The following XYLT1 variants were observed in gnomAD, a reference collection of about 807,000 sequenced individuals.
The protein encoded by XYLT1 is beta-D-xylosyltransferase 1.
Under a neutral mutation model 91.3 loss-of-function variants are expected in XYLT1, and 36 were observed. The observed-to-expected ratio is 0.39, with a 90% CI of 0.30 to 0.52. The LOEUF (loss-of-function observed/expected upper bound fraction) is 0.52, where lower values mean the gene tolerates loss of function less well. XYLT1 is among the 20% of genes least tolerant of loss of function. The pLI, the probability that XYLT1 is intolerant of heterozygous loss-of-function variation, is 0.68. For synonymous variants in XYLT1, 588 were observed against 532.0 expected (o/e 1.11, Z -1.45); for missense variants, 1,242 against 1,284.5 (o/e 0.97, Z 0.51).
intron 3 of XYLT1, among the ~76,000 whole-genome samples, chr16:17,236,311 T>G (rs1239180559): frequency 6.6e-6 from 1 of 152,112 alleles, no homozygotes; most frequent in Non-Finnish European, 1.5e-5. Flanking sequence ...AGTGAGCATG[T>G]GTAGGGTCTT....
Position 17,108,736 on chromosome 16 carries a change from A to T in XYLT1, c.2839T>A (p.Ser947Thr), listed in dbSNP as rs1490458085. 1.2e-6 allele frequency: 2 copies of T among 1,600,358 alleles called. No individual in the cohort carries two copies. The highest frequency in any genetic ancestry group is 4.5e-5 in the East Asian group (2 of 44,692). Reference protein sequence around the residue: ...AWSSFSPDPKSELGAVKPDGR... With the variant: ...AWSSFSPDPKTELGAVKPDGR... ...TCAGGTTTGACTGCCCCCAGCTCCG[A>T]CTTGGGGTCAGGGCTGAAGGAGCTC... The change falls in exon 12 of 12, where the codon TCG (serine) becomes ACG (threonine). Residue 947 changes from serine to threonine, a missense_variant. Coordinates refer to ENST00000261381, the MANE Select transcript of XYLT1 (RefSeq NM_022166.4).
intron 1 of XYLT1, among the ~76,000 whole-genome samples, chr16:17,367,751 T>C (rs1439031856): frequency 5.9e-5 from 9 of 152,294 alleles, no homozygotes; most frequent in Non-Finnish European, 8.8e-5. Flanking sequence ...AAATTCTCAA[T>C]ACGGCCCGAG....
intron 3 of XYLT1, among the ~76,000 whole-genome samples, chr16:17,246,136 G>A (rs1403143716): frequency 6.6e-6 from 1 of 152,208 alleles, no homozygotes; most frequent in East Asian, 1.9e-4. Context: ...TCAGAGCCTG[G>A]CTCTGCTACT....
intron 11 of XYLT1, among the ~76,000 whole-genome samples, chr16:17,113,020 G>A (rs1966845366): frequency 6.6e-6 from 1 of 150,970 alleles, no homozygotes; most frequent in Non-Finnish European, 1.5e-5. Context: ...TGTATTTTTA[G>A]TAGAGACGGG....
chr16:17,340,462 G>T (rs578133014), intron 2 of XYLT1, among the ~76,000 whole-genome samples: 1 of 152,292 alleles, frequency 6.6e-6, no homozygotes, highest in South Asian at 2.1e-4. Flanking sequence ...CCTTACCCAG[G>T]AACATTTTGG....
At chr16:17,377,034 G>A (rs531119300) in intron 1 of XYLT1, among the ~76,000 whole-genome samples, 39 of 151,732 alleles carry the variant, frequency 2.6e-4, no homozygotes, top group African/African-American at 9.4e-4. Context: ...AAAATTAGCC[G>A]GGCATGGTGG....
chr16:17,394,569 C>G (rs2035860376), intron 1 of XYLT1, among the ~76,000 whole-genome samples: 1 of 152,204 alleles, frequency 6.6e-6, no homozygotes, highest in Admixed American at 6.5e-5. Context: ...CCTGAGCTTC[C>G]ATGTCAGACC....
chr16:17,406,935 G>A (rs2036041176), intron 1 of XYLT1, among the ~76,000 whole-genome samples: 1 of 152,070 alleles, frequency 6.6e-6, no homozygotes, highest in Non-Finnish European at 1.5e-5. Context: ...TCTTCCCACA[G>A]GGTCATATGG....
chr16:17,211,228 T>C (rs1246587031), intron 3 of XYLT1, among the ~76,000 whole-genome samples: 3 of 152,172 alleles, frequency 2.0e-5, no homozygotes, highest in African/African-American at 7.2e-5. Flanking sequence ...TCCATGAGCT[T>C]TGCTTCCAAA....
chr16:17,262,870 T>A (rs114331185), intron 2 of XYLT1, among the ~76,000 whole-genome samples: 20 of 152,228 alleles, frequency 1.3e-4, no homozygotes, highest in African/African-American at 4.6e-4. Context: ...TCCCGATTAA[T>A]CCAGGAGCTA....
At chr16:17,378,279 T>C (rs1023372492) in intron 1 of XYLT1, among the ~76,000 whole-genome samples, 3 of 150,958 alleles carry the variant, frequency 2.0e-5, no homozygotes, top group Admixed American at 6.6e-5. Flanking sequence ...CCATACCAAA[T>C]AGGTATTTAT....
intron 2 of XYLT1, among the ~76,000 whole-genome samples, chr16:17,300,039 T>A (rs1265388441): frequency 6.6e-6 from 1 of 151,894 alleles, no homozygotes; most frequent in Non-Finnish European, 1.5e-5. Flanking sequence ...AAGAGGATAA[T>A]CTGGTGACCA....
chr16:17,287,986 T>C (rs1340329240), intron 2 of XYLT1, among the ~76,000 whole-genome samples: 1 of 150,224 alleles, frequency 6.7e-6, no homozygotes. Context: ...CCAGCTGGAG[T>C]GCAGCAGCAT....
rs561157436 is a variant in XYLT1 at position 17,447,739 on chromosome 16, C to T, written c.363+22695G>A. 4.6e-4 allele frequency among the ~76,000 whole-genome samples: 70 copies of T among 151,158 alleles called. 1 individual carries two copies. Among genetic ancestry groups the T allele is most frequent in the Admixed American group, 4.5e-3 (68 of 15,232 alleles). ...GGAGGGTGGTTGGATAGCAGCTCTG[C>T]TGTGTGAACAAGCGACCTTCCACGA... On this transcript the variant is annotated intron_variant, in intron 1 of 11. Transcript: ENST00000261381.
At chr16:17,266,155 T>G (rs1019205145) in intron 2 of XYLT1, among the ~76,000 whole-genome samples, 2 of 152,162 alleles carry the variant, frequency 1.3e-5, no homozygotes, top group African/African-American at 4.8e-5. Flanking sequence ...ACACTGAGAT[T>G]CAGAGGTCTG....
At chr16:17,112,375 C>G (rs1205458011) in intron 11 of XYLT1, among the ~76,000 whole-genome samples, 1 of 151,920 alleles carries the variant, frequency 6.6e-6, no homozygotes, top group Non-Finnish European at 1.5e-5. Context: ...GAGGGCTGCT[C>G]TCGGTGGGGG....
chr16:17,470,700 A>G lies in XYLT1; in HGVS notation c.97T>C (p.Trp33Arg). 1.7e-6 allele frequency: 2 copies of G among 1,166,672 alleles called. No homozygotes were observed. Among genetic ancestry groups the G allele is most frequent in the South Asian group, 1.7e-5 (1 of 59,336 alleles). The allele number at this position is 1,166,672 out of a possible 1,614,324, so 72.3% of individuals were successfully genotyped here. The part of the protein sequence containing the change: ...TVLLLQTLVV[W>R]NFSSLDSGAG... The stretch of plus-strand genomic sequence containing the variant: ...CCGGAGTCGAGGCTGCTGAAATTCC[A>G]CACGACCAGCGTCTGCAGCAGCAGC... The change falls in exon 1 of 12, where the codon TGG becomes CGG. Residue 33 changes from tryptophan to arginine, a missense_variant. Transcript: ENST00000261381.
intron 1 of XYLT1, among the ~76,000 whole-genome samples, chr16:17,467,348 A>T (rs189194340): frequency 0.011 from 1,742 of 152,206 alleles, 13 homozygotes; most frequent in Non-Finnish European, 0.015. Context: ...TCTATTCAGA[A>T]CCTGTAGGCT....
At chr16:17,345,420 C>G (rs2035130288) in intron 2 of XYLT1, among the ~76,000 whole-genome samples, 1 of 152,218 alleles carries the variant, frequency 6.6e-6, no homozygotes, top group South Asian at 2.1e-4. Flanking sequence ...TCTTTGCCCT[C>G]TCTGTGGCAC....
Sources: allele counts gnomAD v4.1 joint callset (sites outside exome capture counted in the v4.1 genomes callset), GRCh38; gene constraint gnomAD v4.1.1; transcripts MANE v1.5; gene names NCBI Gene and HGNC (gene_info 2026-07-23, HGNC 2026-07-21).